UTY: variants seen among roughly 807,000 people sequenced by gnomAD.
UTY encodes histone demethylase UTY.
Under a neutral mutation model 32.5 loss-of-function variants are expected in UTY, and 12 were observed. The ratio of observed to expected loss-of-function variants is 0.37; its 90% CI spans 0.24 to 0.60. The LOEUF (loss-of-function observed/expected upper bound fraction) is 0.60. Among genes scored for constraint, UTY ranks in the 20% least tolerant of loss-of-function variants. UTY has a pLI of 0.69. For synonymous variants in UTY, 131 were observed against 103.4 expected, an observed-to-expected ratio of 1.27 and a Z score of -1.62; for missense variants, 303 against 299.2, an observed-to-expected ratio of 1.01 and a Z score of -0.09.
chrY:13,449,627 G>T (rs2076156933), intron 3 of UTY, among the ~76,000 whole-genome samples: 1 of 32,610 alleles, frequency 3.1e-5, no homozygotes, highest in Non-Finnish European at 7.6e-5. Flanking sequence ...ACATAAAAAA[G>T]AAGTCGTATA....
At chrY:13,346,355 G>T in intron 17 of UTY, among the ~76,000 whole-genome samples, 4 of 33,549 alleles carry the variant, frequency 1.2e-4, no homozygotes, top group Non-Finnish European at 3.0e-4. Flanking sequence ...GTTCAAGTTA[G>T]CCCAATGCAA....
chrY:13,407,917 A>C (rs1028808093), intron 6 of UTY, among the ~76,000 whole-genome samples: 4 of 33,168 alleles, frequency 1.2e-4, no homozygotes, highest in Non-Finnish European at 3.0e-4. Context: ...GAACTAAGGG[A>C]AGAAAATGAA....
At chrY:13,405,880 A>G in intron 6 of UTY, among the ~76,000 whole-genome samples, 1 of 32,991 alleles carries the variant, frequency 3.0e-5, no homozygotes, top group Non-Finnish European at 7.6e-5. Flanking sequence ...AAATTTTAAG[A>G]GTTTAAAAAG....
At chrY:13,402,548 T>C in intron 6 of UTY, among the ~76,000 whole-genome samples, 1 of 33,535 alleles carries the variant, frequency 3.0e-5, no homozygotes, top group Non-Finnish European at 7.4e-5. Context: ...TCCAGTCAAA[T>C]TAAGATATTT....
At chrY:13,324,744 T>C in intron 19 of UTY, 38 bp from the exon 20 acceptor site, 2 of 311,145 alleles carry the variant, frequency 6.4e-6, no homozygotes, top group Non-Finnish European at 9.6e-6. Flanking sequence ...CTCAGATAAA[T>C]GACAAAATAT....
At chrY:13,420,477 C>T (rs985253456) in intron 4 of UTY, among the ~76,000 whole-genome samples, 6 of 33,049 alleles carry the variant, frequency 1.8e-4, no homozygotes, top group African/African-American at 7.1e-4. Flanking sequence ...CTATGGCCAA[C>T]AAACCTTCAA....
Position 13,366,380 on chromosome Y carries a change from A to G in UTY, c.753T>C (p.His251=). The G allele has an allele frequency of 2.7e-6, 1 of 374,798 alleles. No homozygotes were observed. The highest frequency in any genetic ancestry group is 3.4e-5 in the South Asian group (1 of 29,243). The allele number at this position is 374,798 out of a possible 400,897, so 93.5% of individuals were successfully genotyped here. A position where few individuals can be genotyped will look rare whatever the true frequency, so the allele number is the denominator to read the frequency against. ...CTTTGTCTCCTACTAGATCCATATT[A>G]TGATGCATCCAACCTATAATTAAGA... The part of the protein sequence containing the change: ...TVLQQLGWMH[H]NMDLVGDKAT... Residue 251 remains histidine, a synonymous_variant, in exon 10 of 30, where the codon CAT becomes CAC. Coordinates refer to ENST00000545955, the MANE Select transcript of UTY (RefSeq NM_001258249.2).
intron 25 of UTY, 72 bp from the exon 26 acceptor site, chrY:13,299,216 A>G: frequency 4.8e-6 from 1 of 206,336 alleles, no homozygotes; most frequent in Non-Finnish European, 7.6e-6. Context: ...TGAAAAATCA[A>G]CTTGAAAATT....
chrY:13,445,982 A>G (rs2075719145), intron 4 of UTY, among the ~76,000 whole-genome samples: 1 of 33,701 alleles, frequency 3.0e-5, no homozygotes, highest in Non-Finnish European at 7.4e-5. Context: ...ACCATGGTAT[A>G]TACTATGCAG....
chrY:13,240,459 G>C (rs2053889700), intron 28 of UTY, among the ~76,000 whole-genome samples: 1 of 33,431 alleles, frequency 3.0e-5, no homozygotes, highest in Admixed American at 2.7e-4. Context: ...ACTTGCATTA[G>C]ACCAGTCATC....
intron 27 of UTY, among the ~76,000 whole-genome samples, chrY:13,292,465 AAAAC>A (rs2057817833): frequency 3.2e-5 from 1 of 31,275 alleles, no homozygotes; most frequent in Non-Finnish European, 7.7e-5. Flanking sequence ...AAAAAAAACA[AAAAC>A]AAAAACAAGA....
chrY:13,443,262 G>A (rs2075388476), intron 4 of UTY, among the ~76,000 whole-genome samples: 3 of 33,178 alleles, frequency 9.0e-5, no homozygotes, highest in Non-Finnish European at 1.5e-4. Context: ...TTGCAGCTGC[G>A]GGCTTATCTC....
chrY:13,466,143 T>C, intron 3 of UTY, among the ~76,000 whole-genome samples: 15 of 33,099 alleles, frequency 4.5e-4, no homozygotes, highest in Non-Finnish European at 9.7e-4. Flanking sequence ...TTCCCTTCTC[T>C]AGGCAACAGA....
chrY:13,371,336 AATT>A (rs2149357329), intron 8 of UTY, among the ~76,000 whole-genome samples: 1 of 32,512 alleles, frequency 3.1e-5, no homozygotes, highest in East Asian at 7.9e-4. Context: ...TCTATTAAAA[AATT>A]ATTAAGCATA....
At chrY:13,239,092 G>C in intron 28 of UTY, among the ~76,000 whole-genome samples, 2 of 33,155 alleles carry the variant, frequency 6.0e-5, no homozygotes, top group Non-Finnish European at 1.5e-4. Flanking sequence ...TCAAAAACAA[G>C]TCAGTTCATG....
chrY:13,475,232 C>G, intron 2 of UTY, among the ~76,000 whole-genome samples: 1 of 33,919 alleles, frequency 2.9e-5, no homozygotes, highest in Non-Finnish European at 7.3e-5. Flanking sequence ...TACTTCAATA[C>G]GACCTTCATA....
intron 4 of UTY, among the ~76,000 whole-genome samples, chrY:13,445,550 C>T (rs2075661901): frequency 7.0e-5 from 2 of 28,609 alleles, no homozygotes. Context: ...GAGTAAACTA[C>T]TCTAAAAAAA....
At chrY:13,461,592 CAAAG>C (rs2077377183) in intron 3 of UTY, among the ~76,000 whole-genome samples, 1 of 33,039 alleles carries the variant, frequency 3.0e-5, no homozygotes, top group African/African-American at 1.2e-4. Flanking sequence ...TAAAAAGAAA[CAAAG>C]AGACTAAAAT....
intron 28 of UTY, among the ~76,000 whole-genome samples, chrY:13,239,451 A>C: frequency 3.0e-5 from 1 of 33,413 alleles, no homozygotes; most frequent in African/African-American, 1.2e-4. Context: ...CTAGCAAGAG[A>C]TTTACATATC....
Sources: allele counts gnomAD v4.1 joint callset (sites outside exome capture counted in the v4.1 genomes callset), GRCh38; gene constraint gnomAD v4.1.1; transcripts MANE v1.5; gene names NCBI Gene and HGNC (gene_info 2026-07-23, HGNC 2026-07-21).